Variants in PTPRK observed in about 807,000 individuals in gnomAD.
The protein encoded by PTPRK is protein tyrosine phosphatase receptor type K.
In PTPRK, 75 loss-of-function variants were observed where a neutral mutation model predicts 178.0. That is an observed-to-expected ratio of 0.42 (90% confidence interval 0.35 to 0.51). PTPRK has a LOEUF of 0.51. PTPRK is among the 20% of genes least tolerant of loss of function. The pLI is 0.02. For synonymous variants in PTPRK, 637 were observed against 620.6 expected, an observed-to-expected ratio of 1.03 and a Z score of -0.39; for missense variants, 1,441 against 1,797.8, an observed-to-expected ratio of 0.80 and a Z score of 3.59.
chr6:128,034,297 C>A (rs1775837281), intron 13 of PTPRK, among the ~76,000 whole-genome samples: 1 of 152,202 alleles, frequency 6.6e-6, no homozygotes, highest in South Asian at 2.1e-4. Context: ...AGAAATAAAC[C>A]AACAACATGA....
intron 7 of PTPRK, among the ~76,000 whole-genome samples, chr6:128,172,748 A>T (rs1009174493): frequency 1.3e-5 from 2 of 151,882 alleles, no homozygotes; most frequent in Admixed American, 1.3e-4. Flanking sequence ...ACACACGTAC[A>T]TATAAGTGTG....
intron 1 of PTPRK, among the ~76,000 whole-genome samples, chr6:128,494,094 CAGGAGGATGGCTTGAGCCCAGGAGTTTG>C (rs1854306222): frequency 6.6e-6 from 1 of 151,298 alleles, no homozygotes; most frequent in South Asian, 2.1e-4. Context: ...GCAGCTGAGG[CAGGAGGATGGCTTGAGCCCAGGAGTTTG>C]AGGCTGCAAT....
At chr6:128,342,221 C>A (rs866808518) in intron 2 of PTPRK, among the ~76,000 whole-genome samples, 3 of 152,004 alleles carry the variant, frequency 2.0e-5, no homozygotes, top group Non-Finnish European at 2.9e-5. Context: ...CCACTGCACT[C>A]AAGCCTGGGT....
chr6:128,430,327 T>A (rs1844671776), intron 1 of PTPRK, among the ~76,000 whole-genome samples: 1 of 152,224 alleles, frequency 6.6e-6, no homozygotes, highest in Non-Finnish European at 1.5e-5. Context: ...CCAAGATTAT[T>A]TAAAAGATTA....
At chr6:128,339,280 TGG>T (rs1831351162) in intron 2 of PTPRK, among the ~76,000 whole-genome samples, 1 of 152,204 alleles carries the variant, frequency 6.6e-6, no homozygotes, top group Non-Finnish European at 1.5e-5. Context: ...ATTAACAATT[TGG>T]GTGACTTCCA....
chr6:128,464,614 CATAT>C (rs1489872866), intron 1 of PTPRK, among the ~76,000 whole-genome samples: 1 of 73,940 alleles, frequency 1.4e-5, no homozygotes, highest in Non-Finnish European at 2.6e-5. Flanking sequence ...TATATATATA[CATAT>C]ACATATATAT....
chr6:128,053,633 A>G (rs1296907076), intron 13 of PTPRK, among the ~76,000 whole-genome samples: 1 of 151,410 alleles, frequency 6.6e-6, no homozygotes, highest in Non-Finnish European at 1.5e-5. Context: ...TGGACACTCT[A>G]CTCCCTGCTC....
intron 6 of PTPRK, among the ~76,000 whole-genome samples, chr6:128,185,401 G>C (rs1248858566): frequency 6.6e-6 from 1 of 151,988 alleles, no homozygotes. Context: ...AGAAACTTTG[G>C]AAAACATTAT....
chr6:128,059,881 CAAT>C (rs1780523270), intron 13 of PTPRK, among the ~76,000 whole-genome samples: 1 of 152,102 alleles, frequency 6.6e-6, no homozygotes, highest in South Asian at 2.1e-4. Context: ...CATATGCAAA[CAAT>C]AATAGTTTGT....
chr6:128,392,885 A>T (rs1316278816), intron 2 of PTPRK, among the ~76,000 whole-genome samples: 1 of 152,216 alleles, frequency 6.6e-6, no homozygotes, highest in Non-Finnish European at 1.5e-5. Context: ...GTCTAATTAC[A>T]TAAAAATCTC....
intron 1 of PTPRK, among the ~76,000 whole-genome samples, chr6:128,400,915 G>A (rs1840931461): frequency 6.6e-6 from 1 of 152,138 alleles, no homozygotes; most frequent in East Asian, 1.9e-4. Flanking sequence ...ATACCAAACT[G>A]GTGTTCAAGA....
chr6:127,999,839 C>T, intron 15 of PTPRK: 2 of 463,134 alleles, frequency 4.3e-6, no homozygotes, highest in Non-Finnish European at 5.7e-6. Context: ...ATAAATATTC[C>T]AATGAATGAA....
At chr6:128,444,037 G>A (rs1414019541) in intron 1 of PTPRK, among the ~76,000 whole-genome samples, 1 of 152,122 alleles carries the variant, frequency 6.6e-6, no homozygotes, top group East Asian at 1.9e-4. Flanking sequence ...ACTTTTTGTA[G>A]AGACAGGGTT....
intron 1 of PTPRK, among the ~76,000 whole-genome samples, chr6:128,498,792 CAGAG>C (rs1024305019): frequency 2.0e-5 from 3 of 151,988 alleles, no homozygotes; most frequent in Admixed American, 2.0e-4. Context: ...GAATGAATGG[CAGAG>C]AGAGAGAAGA....
At chr6:128,207,050 G>T (rs1221093370) in intron 6 of PTPRK, among the ~76,000 whole-genome samples, 1 of 152,146 alleles carries the variant, frequency 6.6e-6, no homozygotes, top group Admixed American at 6.6e-5. Flanking sequence ...AAACCCTTTG[G>T]TTGCAAATCA....
intron 7 of PTPRK, among the ~76,000 whole-genome samples, chr6:128,109,142 G>T (rs537449558): frequency 1.3e-5 from 2 of 152,190 alleles, no homozygotes; most frequent in Non-Finnish European, 2.9e-5. Context: ...ACAATAGCTT[G>T]TAAAACAATA....
intron 13 of PTPRK, among the ~76,000 whole-genome samples, chr6:128,031,403 A>G (rs543836007): frequency 1.3e-5 from 2 of 152,362 alleles, no homozygotes; most frequent in East Asian, 3.9e-4. Flanking sequence ...ATGTTCAATA[A>G]TGATACAAAT....
At chr6:127,972,865 G>A (rs1356166358) in intron 29 of PTPRK, among the ~76,000 whole-genome samples, 157 bp downstream of exon 29, 1 of 152,138 alleles carries the variant, frequency 6.6e-6, no homozygotes. Flanking sequence ...GTGGGTAGAG[G>A]GGGATGCTCA....
chr6:128,500,070 G>C (rs1003911399), intron 1 of PTPRK, among the ~76,000 whole-genome samples: 3 of 152,182 alleles, frequency 2.0e-5, no homozygotes, highest in Non-Finnish European at 4.4e-5. Flanking sequence ...GTTTACCTCT[G>C]AAATACTCAG....
Sources: gnomAD v4.1 joint callset for allele counts (sites outside exome capture counted in the v4.1 genomes callset) on GRCh38, gnomAD v4.1.1 for gene constraint, MANE v1.5 for transcripts, NCBI Gene and HGNC (gene_info 2026-07-23, HGNC 2026-07-21) for gene names.